The following TANC2 variants were observed in gnomAD, a reference collection of about 807,000 sequenced individuals.
TANC2 encodes the protein tetratricopeptide repeat, ankyrin repeat and coiled-coil containing 2, also known as protein TANC2.
A neutral mutation model predicts 210.5 loss-of-function variants in TANC2; 26 were observed. The observed-to-expected ratio is 0.12, with a 90% CI of 0.09 to 0.17. The LOEUF is 0.17. Ranked by LOEUF, TANC2 falls within the 10% of genes least tolerant of loss-of-function variation. The pLI is 1.00. For synonymous variants in TANC2, 931 were observed against 967.1 expected, an observed-to-expected ratio of 0.96 and a Z score of 0.69; for missense variants, 2,129 against 2,608.9, an observed-to-expected ratio of 0.82 and a Z score of 4.01.
chr17:63,344,358 G>A (rs2046332592), intron 12 of TANC2, among the ~76,000 whole-genome samples: 1 of 152,160 alleles, frequency 6.6e-6, no homozygotes, highest in African/African-American at 2.4e-5. Context: ...AGGAAGTTTA[G>A]TCTGATAAAG....
At chr17:63,180,128 T>C (rs2040730005) in intron 5 of TANC2, among the ~76,000 whole-genome samples, 1 of 152,152 alleles carries the variant, frequency 6.6e-6, no homozygotes, top group Non-Finnish European at 1.5e-5. Context: ...AGTGAGACCC[T>C]ATCTCAAAAA....
intron 4 of TANC2, among the ~76,000 whole-genome samples, chr17:63,136,824 C>CA (rs1384517985): frequency 6.6e-6 from 1 of 152,122 alleles, no homozygotes. Context: ...GGCTTTCTGA[C>CA]ACAAGGTATT....
At chr17:63,082,647 A>G (rs536474694) in intron 3 of TANC2, among the ~76,000 whole-genome samples, 6 of 152,304 alleles carry the variant, frequency 3.9e-5, no homozygotes, top group South Asian at 2.1e-4. Flanking sequence ...ATATGTACCT[A>G]CCTGTCCCCC....
intron 1 of TANC2, among the ~76,000 whole-genome samples, chr17:62,973,998 G>A (rs1365980766): frequency 3.3e-5 from 5 of 152,134 alleles, no homozygotes; most frequent in Non-Finnish European, 4.4e-5. Flanking sequence ...GAGACCATAC[G>A]GCCTGCAAAG....
At chr17:63,358,089 C>G (rs2046829731) in intron 14 of TANC2, among the ~76,000 whole-genome samples, 2 of 152,296 alleles carry the variant, frequency 1.3e-5, no homozygotes, top group South Asian at 4.1e-4. Flanking sequence ...TGATCTTCTC[C>G]AGAAATAGGC....
At chr17:63,079,453 T>C (rs1241196547) in intron 3 of TANC2, among the ~76,000 whole-genome samples, 1 of 152,240 alleles carries the variant, frequency 6.6e-6, no homozygotes, top group Non-Finnish European at 1.5e-5. Flanking sequence ...TCCAGGATTT[T>C]CAGTTATATT....
At chr17:63,201,063 T>A in intron 7 of TANC2, 106 bp downstream of exon 7, 2 of 1,024,372 alleles carry the variant, frequency 2.0e-6, no homozygotes, top group Non-Finnish European at 2.8e-6. Flanking sequence ...TGTTGAGATG[T>A]ATATATAAAA....
chr17:63,229,612 C>T (rs556537179), intron 7 of TANC2, among the ~76,000 whole-genome samples: 3 of 150,462 alleles, frequency 2.0e-5, no homozygotes, highest in Non-Finnish European at 4.4e-5. Flanking sequence ...TTTATTACTG[C>T]CTCAATTTCA....
intron 8 of TANC2, 31 bp downstream of exon 8, chr17:63,238,108 T>G: frequency 6.6e-7 from 1 of 1,506,758 alleles, no homozygotes; most frequent in Non-Finnish European, 8.9e-7. Flanking sequence ...TTGTTGTTGC[T>G]GTTGTTAAAT....
intron 9 of TANC2, among the ~76,000 whole-genome samples, chr17:63,297,000 TC>T (rs751698950): frequency 3.9e-5 from 6 of 151,958 alleles, no homozygotes; most frequent in Non-Finnish European, 7.4e-5. Context: ...GAAAAAAAAA[TC>T]TACAAAAAGC....
At chr17:63,173,677 G>A (rs2145590461) in intron 5 of TANC2, among the ~76,000 whole-genome samples, 1 of 152,266 alleles carries the variant, frequency 6.6e-6, no homozygotes, top group African/African-American at 2.4e-5. Context: ...TGACTCCCCT[G>A]CTGTAGCAAG....
At chr17:63,008,596 T>C (rs964404002) in intron 1 of TANC2, among the ~76,000 whole-genome samples, 1 of 151,726 alleles carries the variant, frequency 6.6e-6, no homozygotes, top group Non-Finnish European at 1.5e-5. Context: ...CATGTTATGA[T>C]TGGAATGATT....
At chr17:63,138,268 G>A (rs2039162630) in intron 4 of TANC2, among the ~76,000 whole-genome samples, 1 of 152,164 alleles carries the variant, frequency 6.6e-6, no homozygotes, top group Non-Finnish European at 1.5e-5. Context: ...CATATTGAAT[G>A]AGAAATCTAT....
chr17:63,154,133 A>G (rs2039754650), intron 5 of TANC2: 1 of 152,188 alleles, frequency 6.6e-6, no homozygotes, highest in Admixed American at 6.6e-5. Flanking sequence ...CTGCAGCTAC[A>G]ACTGTGGAGA....
intron 17 of TANC2, chr17:63,391,607 C>A (rs1415326305): frequency 6.6e-6 from 1 of 152,166 alleles, no homozygotes; most frequent in Non-Finnish European, 1.5e-5. Context: ...CCCAACCTCC[C>A]TACATTCTAC....
intron 4 of TANC2, among the ~76,000 whole-genome samples, chr17:63,138,375 C>G (rs1420422235): frequency 6.6e-6 from 1 of 152,172 alleles, no homozygotes; most frequent in Non-Finnish European, 1.5e-5. Flanking sequence ...AGTGATACAT[C>G]TTTGTGAGAG....
At chr17:63,333,623 G>T (rs1476054473) in intron 11 of TANC2, among the ~76,000 whole-genome samples, 3 of 152,222 alleles carry the variant, frequency 2.0e-5, no homozygotes, top group Non-Finnish European at 2.9e-5. Context: ...AGTAGTGCCA[G>T]GGTTTGAGAG....
At chr17:63,311,103 G>A (rs1199636835) in intron 9 of TANC2, among the ~76,000 whole-genome samples, 1 of 152,166 alleles carries the variant, frequency 6.6e-6, no homozygotes, top group East Asian at 1.9e-4. Context: ...TAAAATGAAA[G>A]TAGTAATAAC....
chr17:63,054,833 T>C (rs972162841), intron 2 of TANC2, among the ~76,000 whole-genome samples: 8 of 152,244 alleles, frequency 5.3e-5, no homozygotes, highest in African/African-American at 1.7e-4. Flanking sequence ...CCAGAGTTCA[T>C]ACCTGAATAG....
Sources: allele counts gnomAD v4.1 joint callset (sites outside exome capture counted in the v4.1 genomes callset), GRCh38; gene constraint gnomAD v4.1.1; transcripts MANE v1.5; gene names NCBI Gene and HGNC (gene_info 2026-07-23, HGNC 2026-07-21).